RNF121: variants seen among roughly 807,000 people sequenced by gnomAD.
RNF121 encodes the protein ring finger protein 121, also known as E3 ubiquitin ligase RNF121.
RNF121 carries 21 observed loss-of-function variants against 46.5 expected under a neutral mutation model. The observed-to-expected ratio is 0.45, with a 90% CI of 0.32 to 0.65. The LOEUF is 0.65. Ranked by LOEUF, RNF121 falls within the 30% of genes least tolerant of loss-of-function variation. RNF121 has a pLI of 0.04. For synonymous variants in RNF121, 139 were observed against 144.7 expected (o/e 0.96, Z 0.28); for missense variants, 346 against 416.0 (o/e 0.83, Z 1.46).
At chr11:71,989,819 C>T (rs1424882847) in intron 5 of RNF121, among the ~76,000 whole-genome samples, 1 of 152,094 alleles carries the variant, frequency 6.6e-6, no homozygotes, top group Non-Finnish European at 1.5e-5. Flanking sequence ...TTTATAGTAA[C>T]TGCTATATAT....
intron 3 of RNF121, among the ~76,000 whole-genome samples, chr11:71,969,137 TC>T: frequency 6.6e-6 from 1 of 152,206 alleles, no homozygotes; most frequent in African/African-American, 2.4e-5. Context: ...TCCACCTGCC[TC>T]GGCCTCCCAA....
At chr11:71,931,672 A>G (rs928452526) in intron 1 of RNF121, among the ~76,000 whole-genome samples, 49 of 152,294 alleles carry the variant, frequency 3.2e-4, no homozygotes, top group African/African-American at 1.1e-3. Flanking sequence ...ATAATACTAG[A>G]TAATTGCTGT....
intron 3 of RNF121, among the ~76,000 whole-genome samples, chr11:71,982,428 C>G (rs1035627389): frequency 2.0e-5 from 3 of 150,666 alleles, no homozygotes; most frequent in African/African-American, 7.3e-5. Context: ...ATTTCGTGTT[C>G]GAGATACCAT....
intron 3 of RNF121, among the ~76,000 whole-genome samples, chr11:71,966,352 C>G (rs1275328382): frequency 1.3e-5 from 2 of 152,126 alleles, no homozygotes; most frequent in African/African-American, 4.8e-5. Context: ...TAATACATAC[C>G]ATAGTTTTAA....
At position 71,934,938 on chromosome 11, in the gene RNF121, ATTC is replaced by A. The variant is rs752296904; in HGVS notation, c.63+5817_63+5819del. Among the ~76,000 whole-genome samples the A allele has an allele frequency of 2.8e-5, 4 of 145,100 alleles. 1 individual carries two copies. The highest frequency in any genetic ancestry group is 6.9e-5 in the Admixed American group (1 of 14,586). On this transcript the variant is annotated intron_variant, in intron 1 of 8. Coordinates refer to ENST00000361756, the MANE Select transcript of RNF121 (RefSeq NM_018320.5). ...GTCCTGTGCCAAGTGTTCCAAATGC[ATTC>A]TTTTTTTTTTTTTTTTTTTTTAGAC...
chr11:71,977,066 C>T (rs939905557), intron 3 of RNF121, among the ~76,000 whole-genome samples: 4 of 152,194 alleles, frequency 2.6e-5, no homozygotes, highest in Admixed American at 1.3e-4. Context: ...CAGAAACCTA[C>T]CTCCAGTTGA....
chr11:71,996,484 C>T lies in RNF121; in HGVS notation c.*169C>T. 1 of 685,576 alleles carries T rather than the reference C, an allele frequency of 1.5e-6. No individual in the cohort carries two copies. The allele number at this position is 685,576 out of a possible 1,614,324, so 42.5% of individuals were successfully genotyped here. ...GGGAGGGATATGATGGAGAGCCAGC[C>T]AGTGGGGCTGTCAGCAGTGGGGGGC... is the stretch of plus-strand genomic sequence containing the variant. On this transcript the variant is annotated 3_prime_UTR_variant, in exon 9 of 9. Coordinates refer to ENST00000361756, the MANE Select transcript of RNF121 (RefSeq NM_018320.5).
In RNF121 at chr11:71,967,696, C is replaced by T. The variant is rs1350931581; in HGVS notation, c.243+6805C>T. 1.3e-5 allele frequency among the ~76,000 whole-genome samples: 2 copies of T among 152,126 alleles called. 1 individual carries two copies. The highest frequency in any genetic ancestry group is 3.9e-4 in the East Asian group (2 of 5,184). Reference sequence around the variant, plus strand: ...TTGGCCTCCCAAAGTGTTGGGATTACAGACATGAGCCACTGTGCCTGGCGG... The same window carrying T: ...TTGGCCTCCCAAAGTGTTGGGATTATAGACATGAGCCACTGTGCCTGGCGG... On this transcript the variant is annotated intron_variant, in intron 3 of 8. Coordinates refer to ENST00000361756, the MANE Select transcript of RNF121 (RefSeq NM_018320.5).
In RNF121 at chr11:71,971,629, T is replaced by C. The variant is rs117030212; in HGVS notation, c.243+10738T>C. ...CCAATAGAAAAACAGGCCAGAGATATGAACACATTTACAGGAAAGGAAACC... is the reference window on the plus strand; with the variant it reads ...CCAATAGAAAAACAGGCCAGAGATACGAACACATTTACAGGAAAGGAAACC... On this transcript the variant is annotated intron_variant, in intron 3 of 8. Coordinates refer to ENST00000361756, the MANE Select transcript of RNF121 (RefSeq NM_018320.5). 5.4e-3 allele frequency among the ~76,000 whole-genome samples: 821 copies of C among 151,954 alleles called. 12 individuals carry two copies. The highest frequency in any genetic ancestry group is 4.8e-3 in the Non-Finnish European group (327 of 67,960).
In RNF121 at chr11:71,929,081, T is replaced by G. The variant is rs1953194579; in HGVS notation, c.20T>G (p.Val7Gly). ...GTGAAGATGGCGGCAGTGGTGGAGG[T>G]GGAGGTTGGAGGTGGTGCTGCTGGG... MAAVVEVEVGGGAAGER... is the reference protein window; with the variant it reads MAAVVEGEVGGGAAGER... The change falls in exon 1 of 9, where the codon GTG (valine) becomes GGG (glycine). Residue 7 changes from valine to glycine, a missense_variant. Val to Gly is a moderately radical substitution (Grantham distance 109). Around this residue, in one of 2 missense-constraint regions of RNF121, gnomAD observed 60 missense variants for 32.2 expected, o/e 1.86. Transcript: ENST00000361756. The G allele has an allele frequency of 6.5e-7, 1 of 1,549,532 alleles. No homozygotes were observed. Among genetic ancestry groups the G allele is most frequent in the Non-Finnish European group, 8.7e-7 (1 of 1,146,556 alleles).
intron 3 of RNF121, among the ~76,000 whole-genome samples, chr11:71,961,348 C>T (rs1472895469): frequency 6.6e-6 from 1 of 152,048 alleles, no homozygotes; most frequent in African/African-American, 2.4e-5. Flanking sequence ...ATGGCTTCAG[C>T]TCAGGAGTTC....
intron 1 of RNF121, among the ~76,000 whole-genome samples, chr11:71,950,663 T>C (rs1327523467): frequency 6.6e-6 from 1 of 152,074 alleles, no homozygotes; most frequent in Non-Finnish European, 1.5e-5. Context: ...CTTACTTTTT[T>C]TTTGTTTGAG....
chr11:71,952,818 A>T (rs1368038184), intron 1 of RNF121, among the ~76,000 whole-genome samples: 1 of 151,582 alleles, frequency 6.6e-6, no homozygotes, highest in African/African-American at 2.4e-5. Flanking sequence ...AAAAAAAAAA[A>T]TTTCATAAAT....
Position 71,987,044 on chromosome 11 carries a change from T to C in RNF121, c.439T>C (p.Tyr147His). ...KWFLLIYKIS[Y>H]ATGIVGYMAV... The stretch of plus-strand genomic sequence containing the variant: ...GTTCCTGCTAATCTATAAAATCAGC[T>C]ATGCCACTGGCATTGTTGGCTACAT... Residue 147 changes from tyrosine (Y) to histidine (H), a missense_variant, in exon 5 of 9, where the codon TAT becomes CAT. Transcript: ENST00000361756. 1 of 1,614,018 alleles carries C rather than the reference T, an allele frequency of 6.2e-7. No individual in the cohort carries two copies. The highest frequency in any genetic ancestry group is 8.5e-7 in the Non-Finnish European group (1 of 1,179,876).
chr11:71,987,577 G>A (rs1161035448), intron 5 of RNF121, among the ~76,000 whole-genome samples: 1 of 152,142 alleles, frequency 6.6e-6, no homozygotes. Context: ...AAGTTTTACT[G>A]GAACATAGTC....
At chr11:71,995,118 A>G in intron 7 of RNF121, 2 of 565,190 alleles carry the variant, frequency 3.5e-6, no homozygotes, top group Non-Finnish European at 6.3e-6. Flanking sequence ...GACCAGTCAC[A>G]GGGGAAGAGG....
intron 3 of RNF121, among the ~76,000 whole-genome samples, chr11:71,974,480 G>A (rs923150608): frequency 6.6e-6 from 1 of 152,190 alleles, no homozygotes; most frequent in African/African-American, 2.4e-5. Flanking sequence ...CTGTAAGGTA[G>A]TCAGGGTAGG....
intron 1 of RNF121, among the ~76,000 whole-genome samples, chr11:71,940,870 ATTAAG>A (rs1346100010): frequency 6.6e-6 from 1 of 152,242 alleles, no homozygotes; most frequent in Non-Finnish European, 1.5e-5. Context: ...GTTCTTGAGG[ATTAAG>A]TTGAGTTCAA....
intron 3 of RNF121, among the ~76,000 whole-genome samples, chr11:71,964,739 A>G (rs1326735176): frequency 1.3e-5 from 2 of 152,144 alleles, no homozygotes; most frequent in Non-Finnish European, 2.9e-5. Context: ...TCAGCCTCCC[A>G]AAGTGTTGGG....
Sources: allele counts gnomAD v4.1 joint callset (sites outside exome capture counted in the v4.1 genomes callset), GRCh38; gene constraint gnomAD v4.1.1; regional missense constraint gnomAD v4.1.1; transcripts MANE v1.5; gene names NCBI Gene and HGNC (gene_info 2026-07-23, HGNC 2026-07-21).